KDM5B: variants seen among roughly 807,000 people sequenced by gnomAD.
KDM5B encodes lysine demethylase 5B.
KDM5B carries 144 observed loss-of-function variants against 193.4 expected under a neutral mutation model. The observed-to-expected ratio is 0.74, with a 90% CI of 0.65 to 0.86. The LOEUF (loss-of-function observed/expected upper bound fraction) is 0.86, where lower values mean the gene tolerates loss of function less well. Ranked by LOEUF, KDM5B falls within the 40% of genes least tolerant of loss-of-function variation. KDM5B has a pLI of 0.00. For missense variants in KDM5B, 1,833 were observed against 1,886.9 expected (o/e 0.97, Z 0.53); for synonymous variants, 668 against 682.6 (o/e 0.98, Z 0.33).
chr1:202,777,340 C>T, intron 1 of KDM5B, among the ~76,000 whole-genome samples: 1 of 118,192 alleles, frequency 8.5e-6, no homozygotes, highest in East Asian at 2.6e-4. Flanking sequence ...TGAGCAATGT[C>T]ATTGAGCCTG....
intron 4 of KDM5B, among the ~76,000 whole-genome samples, chr1:202,772,030 A>C (rs1656741922): frequency 6.6e-6 from 1 of 152,158 alleles, no homozygotes; most frequent in South Asian, 2.1e-4. Context: ...GGGAAGAAAA[A>C]ATCTACTGGA....
At chr1:202,769,327 C>T (rs1478953306) in intron 4 of KDM5B, among the ~76,000 whole-genome samples, 1 of 151,110 alleles carries the variant, frequency 6.6e-6, no homozygotes, top group Non-Finnish European at 1.5e-5. Flanking sequence ...TGAGCCACTG[C>T]GCCCGGCCGC....
At chr1:202,786,407 A>C (rs1318438314) in intron 1 of KDM5B, among the ~76,000 whole-genome samples, 2 of 150,900 alleles carry the variant, frequency 1.3e-5, no homozygotes, top group Non-Finnish European at 2.9e-5. Flanking sequence ...GTAAAGGCAG[A>C]CAACACACTG....
chr1:202,800,050 G>C (rs1267375050), intron 1 of KDM5B, among the ~76,000 whole-genome samples: 1 of 152,046 alleles, frequency 6.6e-6, no homozygotes, highest in African/African-American at 2.4e-5. Context: ...CTTTTGTTTT[G>C]TTTTTGTTTT....
In KDM5B at chr1:202,738,737, A is replaced by G. The variant is rs574467509; in HGVS notation, c.3084+1937T>C. The stretch of plus-strand genomic sequence containing the variant: ...CAGTAACACCTATTGGTTTATGATG[A>G]TAAGAGATAAGGGAAGACATCCCCC... On this transcript the variant is annotated intron_variant, in intron 20 of 26. Transcript: ENST00000367265. Among the ~76,000 whole-genome samples, 6 of 152,306 alleles carry G rather than the reference A, an allele frequency of 3.9e-5. No homozygotes were observed. In the South Asian group the frequency reaches 6.2e-4, roughly 16 times the overall value.
intron 4 of KDM5B, among the ~76,000 whole-genome samples, chr1:202,772,048 A>AT (rs1481885169): frequency 6.6e-6 from 1 of 152,240 alleles, no homozygotes; most frequent in Non-Finnish European, 1.5e-5. Context: ...GGATTTAAGC[A>AT]TTACAGATGG....
At chr1:202,803,591 A>T (rs1658164333) in intron 1 of KDM5B, among the ~76,000 whole-genome samples, 1 of 151,826 alleles carries the variant, frequency 6.6e-6, no homozygotes, top group South Asian at 2.1e-4. Flanking sequence ...TGGGAGGCCG[A>T]GGTGGGTGGA....
chr1:202,783,388 C>A (rs1029342416), intron 1 of KDM5B, among the ~76,000 whole-genome samples: 1 of 151,952 alleles, frequency 6.6e-6, no homozygotes, highest in Non-Finnish European at 1.5e-5. Context: ...ACCTGTAGTC[C>A]CAGCTAATCA....
intron 5 of KDM5B, chr1:202,766,556 C>A (rs964322353): frequency 9.5e-6 from 4 of 423,044 alleles, no homozygotes; most frequent in Non-Finnish European, 1.8e-5. Flanking sequence ...GTCTTCTAAC[C>A]ACTCTGTTTA....
At position 202,774,662 on chromosome 1, in the gene KDM5B, T is replaced by C. The variant is rs1386586994; in HGVS notation, c.356A>G (p.Lys119Arg). Residue 119 changes from lysine to arginine, a missense_variant, in exon 3 of 27, where the codon AAA (lysine) becomes AGA (arginine). Coordinates refer to ENST00000367265, the MANE Select transcript of KDM5B (RefSeq NM_006618.5). ...GATCTTCCTCTCCACATGTGGAATT[T>C]TCAGAGTACTTCCCTGTAACTCCCA... ...KYWELQGSTL[K>R]IPHVERKILD... 1.9e-6 allele frequency: 3 copies of C among 1,612,764 alleles called. No individual in the cohort carries two copies. The highest frequency in any genetic ancestry group is 1.7e-6 in the Non-Finnish European group (2 of 1,178,720).
chr1:202,758,751 T>C, intron 8 of KDM5B: 1 of 316,910 alleles, frequency 3.2e-6, no homozygotes, highest in Non-Finnish European at 5.8e-6. Flanking sequence ...ACAACTTGGA[T>C]AAATTTATAT....
intron 4 of KDM5B, among the ~76,000 whole-genome samples, chr1:202,769,017 G>A (rs1312090881): frequency 2.1e-5 from 3 of 145,018 alleles, no homozygotes; most frequent in Non-Finnish European, 3.0e-5. Context: ...CCCGGCCTAC[G>A]GCCTATTATA....
At chr1:202,789,905 G>C (rs1432320627) in intron 1 of KDM5B, among the ~76,000 whole-genome samples, 3 of 152,046 alleles carry the variant, frequency 2.0e-5, no homozygotes, top group Admixed American at 2.0e-4. Context: ...TCCAGCCTGG[G>C]AAACACAAGA....
rs117251128 is a variant in KDM5B, at chr1:202,786,595, A to G, written c.205-9501T>C. Among the ~76,000 whole-genome samples the G allele has an allele frequency of 1.5e-3, 223 of 152,316 alleles. 2 individuals carry two copies. The highest frequency in any genetic ancestry group is 0.011 in the Admixed American group (172 of 15,300). ...AAATGCAAAAATGGCAAAAACCACG[A>G]TTTCTTTTGCACCAACCTAATACCA... is the stretch of plus-strand genomic sequence containing the variant. On this transcript the variant is annotated intron_variant, in intron 1 of 26. Coordinates refer to ENST00000367265, the MANE Select transcript of KDM5B (RefSeq NM_006618.5).
chr1:202,740,077 G>A (rs1431806624), intron 20 of KDM5B, among the ~76,000 whole-genome samples: 7 of 151,044 alleles, frequency 4.6e-5, no homozygotes, highest in East Asian at 2.0e-4. Context: ...CTCACCTCCC[G>A]GACGGGGCGG....
chr1:202,735,608 A>G lies in KDM5B; in HGVS notation c.3265-21T>C, dbSNP rs1005511922. 4.4e-6 allele frequency: 7 copies of G among 1,605,360 alleles called. No individual in the cohort carries two copies. In the Admixed American group the frequency reaches 1.0e-4, roughly 23 times the overall value. ...AGCACCTAATGTGGGACAAGGCACA[A>G]CCAATGGTAAAATAAATTTCAGATA... is the stretch of plus-strand genomic sequence containing the variant. On this transcript the variant is annotated intron_variant, in intron 21 of 26. Coordinates refer to ENST00000367265, the MANE Select transcript of KDM5B (RefSeq NM_006618.5).
rs1215192828 is a variant in KDM5B, at chr1:202,733,623, T to C, written c.3687A>G (p.Leu1229=). The C allele has an allele frequency of 6.2e-7, 1 of 1,614,154 alleles. No homozygotes were observed. The highest frequency in any genetic ancestry group is 1.7e-5 in the Admixed American group (1 of 60,024). The change falls in exon 23 of 27, where the codon TTA becomes TTG. Residue 1229 remains leucine, a synonymous_variant. Coordinates refer to ENST00000367265, the MANE Select transcript of KDM5B (RefSeq NM_006618.5). ...PHCRRSEKPP[L]EKILPLLASL... Reference sequence around the variant, plus strand: ...AGGCGAGCAGGGGCAGAATTTTCTCTAATGGAGGTTTCTCTGACCTCCGAC... The same window carrying C: ...AGGCGAGCAGGGGCAGAATTTTCTCCAATGGAGGTTTCTCTGACCTCCGAC...
At chr1:202,741,300 G>T in intron 19 of KDM5B, 67 bp downstream of exon 19, 1 of 1,147,338 alleles carries the variant, frequency 8.7e-7, no homozygotes, top group African/African-American at 1.5e-5. Flanking sequence ...ACCAATCATT[G>T]TGCTCTGTGT....
intron 23 of KDM5B, 143 bp from the exon 24 acceptor site, chr1:202,732,082 A>C (rs1356670062): frequency 1.7e-6 from 1 of 599,476 alleles, no homozygotes; most frequent in African/African-American, 1.9e-5. Flanking sequence ...CCTACTGAAG[A>C]GTCTCCTGGC....
Sources: allele counts gnomAD v4.1 joint callset (sites outside exome capture counted in the v4.1 genomes callset), GRCh38; gene constraint gnomAD v4.1.1; transcripts MANE v1.5; gene names NCBI Gene and HGNC (gene_info 2026-07-23, HGNC 2026-07-21).